The following TMEM132D variants were observed in gnomAD, a reference collection of about 807,000 sequenced individuals.
The protein encoded by TMEM132D is transmembrane protein 132D, also known as mature OL transmembrane protein.
Under a neutral mutation model 62.3 loss-of-function variants are expected in TMEM132D, and 21 were observed. That is an observed-to-expected ratio of 0.34 (90% CI 0.24 to 0.49). TMEM132D has a LOEUF of 0.49. Among genes scored for constraint, TMEM132D ranks in the 20% least tolerant of loss-of-function variants. The probability of loss-of-function intolerance (pLI) is 0.99; values close to 1 mark genes in which losing one functional copy is unlikely to be tolerated. For missense variants in TMEM132D, 1,346 were observed against 1,402.8 expected (o/e 0.96, Z 0.65); for synonymous variants, 621 against 575.6 (o/e 1.08, Z -1.13).
intron 1 of TMEM132D, among the ~76,000 whole-genome samples, chr12:129,707,489 A>C (rs891586449): frequency 6.6e-6 from 1 of 152,132 alleles, no homozygotes; most frequent in Admixed American, 6.6e-5. Flanking sequence ...AGTAGCATAG[A>C]GGGGCTGTCT....
intron 1 of TMEM132D, among the ~76,000 whole-genome samples, chr12:129,821,078 C>G (rs886798529): frequency 6.6e-6 from 1 of 152,170 alleles, no homozygotes; most frequent in East Asian, 1.9e-4. Flanking sequence ...CTGAAATTAG[C>G]CATTTTAAAG....
chr12:129,334,774 G>A (rs1869222629), intron 4 of TMEM132D, among the ~76,000 whole-genome samples: 2 of 152,136 alleles, frequency 1.3e-5, no homozygotes, highest in African/African-American at 2.4e-5. Context: ...AGTTTTAGTA[G>A]AGACAAGGTT....
chr12:129,227,626 T>C (rs982008842), intron 4 of TMEM132D, among the ~76,000 whole-genome samples: 6 of 151,504 alleles, frequency 4.0e-5, no homozygotes, highest in Non-Finnish European at 7.4e-5. Flanking sequence ...TACTTTAAGT[T>C]CTAGGGGACA....
intron 2 of TMEM132D, among the ~76,000 whole-genome samples, chr12:129,600,571 A>C (rs1878458982): frequency 6.6e-6 from 1 of 152,230 alleles, no homozygotes; most frequent in Non-Finnish European, 1.5e-5. Context: ...CCATAGCCTT[A>C]TCAAAGGTAT....
At chr12:129,822,669 C>T (rs1872567528) in intron 1 of TMEM132D, among the ~76,000 whole-genome samples, 1 of 152,140 alleles carries the variant, frequency 6.6e-6, no homozygotes. Context: ...CTCAGGAAAC[C>T]TACAAGCGTG....
At chr12:129,337,843 A>T in intron 3 of TMEM132D, 26 bp from the exon 4 acceptor site, 1 of 1,577,872 alleles carries the variant, frequency 6.3e-7, no homozygotes, top group Non-Finnish European at 8.6e-7. Flanking sequence ...AGAGGAGAAC[A>T]GCTTTCAGGG....
intron 4 of TMEM132D, among the ~76,000 whole-genome samples, chr12:129,309,534 T>C (rs1190167249): frequency 1.3e-5 from 2 of 152,144 alleles, no homozygotes; most frequent in African/African-American, 4.8e-5. Context: ...CTTTTAAAGA[T>C]CCTATGTAGA....
intron 2 of TMEM132D, among the ~76,000 whole-genome samples, chr12:129,606,452 C>T (rs1373966415): frequency 2.6e-5 from 4 of 152,170 alleles, no homozygotes; most frequent in African/African-American, 4.8e-5. Context: ...AGATCTCTTG[C>T]ATCCCTGAGA....
At chr12:129,379,727 T>C (rs568634181) in intron 3 of TMEM132D, among the ~76,000 whole-genome samples, 1 of 152,328 alleles carries the variant, frequency 6.6e-6, no homozygotes, top group African/African-American at 2.4e-5. Context: ...ATCTGTCTAC[T>C]CACATCTCCT....
Position 129,899,353 on chromosome 12 carries a change from G to GGGAT in TMEM132D, c.79+3904_79+3907dup, listed in dbSNP as rs1195659431. On this transcript the variant is annotated intron_variant, in intron 1 of 8. Coordinates refer to ENST00000422113, the MANE Select transcript of TMEM132D (RefSeq NM_133448.3). ...GATGGATGGATGGATGATGGATGGA[G>GGGAT]GGATGGATGGATGGATGGACTGGTA... is the stretch of plus-strand genomic sequence containing the variant. 4.6e-5 allele frequency among the ~76,000 whole-genome samples: 6 copies of GGGAT among 129,710 alleles called. No homozygotes were observed. The South Asian group carries it at 6.9e-4, about 15-fold the overall frequency. 85.1% of individuals were successfully genotyped at this position (129,710 alleles called of 152,430 possible).
intron 4 of TMEM132D, 85 bp from the exon 5 acceptor site, chr12:129,209,748 C>T (rs1405956449): frequency 6.4e-7 from 1 of 1,565,276 alleles, no homozygotes; most frequent in Non-Finnish European, 8.7e-7. Flanking sequence ...TTTCCTCAGC[C>T]TCCCTGCAAA....
intron 6 of TMEM132D, among the ~76,000 whole-genome samples, chr12:129,082,598 C>G (rs1257997991): frequency 6.6e-6 from 1 of 152,128 alleles, no homozygotes; most frequent in African/African-American, 2.4e-5. Flanking sequence ...GTAGATCCTT[C>G]CCCACATGAG....
At chr12:129,729,575 G>T (rs960120683) in intron 1 of TMEM132D, among the ~76,000 whole-genome samples, 5 of 151,538 alleles carry the variant, frequency 3.3e-5, no homozygotes, top group Non-Finnish European at 7.4e-5. Flanking sequence ...TTCCAGCTCT[G>T]AGTCTGCGAC....
chr12:129,362,243 T>G (rs1870271167), intron 3 of TMEM132D, among the ~76,000 whole-genome samples: 1 of 152,200 alleles, frequency 6.6e-6, no homozygotes, highest in African/African-American at 2.4e-5. Context: ...TAGAGTGACT[T>G]TAAATGGTCT....
intron 2 of TMEM132D, among the ~76,000 whole-genome samples, chr12:129,616,973 A>G (rs1257777785): frequency 6.6e-6 from 1 of 152,030 alleles, no homozygotes; most frequent in Non-Finnish European, 1.5e-5. Context: ...TTTTTGTTTC[A>G]TTTTGTTTTT....
chr12:129,664,562 C>A (rs1176993457), intron 2 of TMEM132D, among the ~76,000 whole-genome samples: 2 of 151,106 alleles, frequency 1.3e-5, no homozygotes, highest in African/African-American at 4.9e-5. Context: ...GTAGCTGGGA[C>A]TACAGGCACC....
At chr12:129,129,852 C>T (rs947918675) in intron 5 of TMEM132D, among the ~76,000 whole-genome samples, 21 of 152,106 alleles carry the variant, frequency 1.4e-4, no homozygotes, top group Admixed American at 1.3e-4. Flanking sequence ...TCCTCAGGTC[C>T]TCAGCAGGAT....
intron 2 of TMEM132D, among the ~76,000 whole-genome samples, chr12:129,564,739 G>T (rs1180992810): frequency 1.3e-5 from 2 of 152,186 alleles, no homozygotes. Flanking sequence ...GTTCTGCAAA[G>T]TCAAAACTAT....
chr12:129,239,758 T>A (rs1879885406), intron 4 of TMEM132D, among the ~76,000 whole-genome samples: 1 of 151,962 alleles, frequency 6.6e-6, no homozygotes, highest in East Asian at 1.9e-4. Context: ...TCCCCTAGAG[T>A]CTTAGGAGAC....
Sources: allele counts gnomAD v4.1 joint callset (sites outside exome capture counted in the v4.1 genomes callset), GRCh38; gene constraint gnomAD v4.1.1; transcripts MANE v1.5; gene names NCBI Gene and HGNC (gene_info 2026-07-23, HGNC 2026-07-21).